Variants in CAAP1 observed in about 807,000 individuals in gnomAD.
The protein encoded by CAAP1 is conserved anti-apoptotic protein.
CAAP1 carries 20 observed loss-of-function variants against 34.0 expected under a neutral mutation model. That is an observed-to-expected ratio of 0.59 (90% CI 0.41 to 0.86). The LOEUF is 0.86. CAAP1 is among the 40% of genes least tolerant of loss of function. CAAP1 has a pLI of 0.00. For missense variants in CAAP1, 538 were observed against 450.5 expected, an observed-to-expected ratio of 1.19 and a Z score of -1.76; for synonymous variants, 213 against 166.7, an observed-to-expected ratio of 1.28 and a Z score of -2.14.
chr9:26,851,283 G>A (rs1446870758), intron 5 of CAAP1, among the ~76,000 whole-genome samples: 4 of 152,132 alleles, frequency 2.6e-5, no homozygotes, highest in Non-Finnish European at 4.4e-5. Flanking sequence ...GATATGAGAC[G>A]GGCCTTTAAG....
At chr9:26,852,579 G>C (rs1822778259) in intron 5 of CAAP1, among the ~76,000 whole-genome samples, 3 of 152,150 alleles carry the variant, frequency 2.0e-5, no homozygotes, top group Non-Finnish European at 4.4e-5. Context: ...ATGTAAATAA[G>C]AGTACACTAC....
In CAAP1 at chr9:26,841,150, TTATA is replaced by T. The variant is rs1302474723; in HGVS notation, c.*1147_*1150del. The T allele has an allele frequency of 2.0e-5, 3 of 152,134 alleles. No individual in the cohort carries two copies. Among genetic ancestry groups the T allele is most frequent in the African/African-American group, 4.8e-5 (2 of 41,438 alleles). 9.4% of individuals were successfully genotyped at this position (152,134 alleles called of 1,614,324 possible). On this transcript the variant is annotated 3_prime_UTR_variant, in exon 6 of 6. Transcript: ENST00000333916. ...TAATAAAACACAATCCCTGCAACTTTTATATATAAGGAAAGTCCTCATACAGTAT... is the reference window on the plus strand; with the variant it reads ...TAATAAAACACAATCCCTGCAACTTTTATAAGGAAAGTCCTCATACAGTAT...
intron 4 of CAAP1, among the ~76,000 whole-genome samples, chr9:26,883,247 C>A (rs1281430531): frequency 6.6e-6 from 1 of 152,138 alleles, no homozygotes; most frequent in Non-Finnish European, 1.5e-5. Context: ...GGAATTACAG[C>A]TCCCATAATT....
chr9:26,878,493 C>G (rs1302437458), intron 4 of CAAP1, among the ~76,000 whole-genome samples: 1 of 152,196 alleles, frequency 6.6e-6, no homozygotes, highest in Non-Finnish European at 1.5e-5. Flanking sequence ...TTTTCAGGTT[C>G]TCCCAGACTC....
At chr9:26,858,488 G>C (rs544699771) in intron 5 of CAAP1, among the ~76,000 whole-genome samples, 30 of 152,218 alleles carry the variant, frequency 2.0e-4, no homozygotes, top group African/African-American at 7.0e-4. Flanking sequence ...TCATTTAGTA[G>C]ATATTCTTCT....
chr9:26,860,891 A>T (rs527326178), intron 5 of CAAP1, among the ~76,000 whole-genome samples, 175 bp downstream of exon 5: 4 of 152,202 alleles, frequency 2.6e-5, no homozygotes, highest in African/African-American at 4.8e-5. Context: ...ACATCATAAA[A>T]TATAATCATT....
intron 4 of CAAP1, among the ~76,000 whole-genome samples, chr9:26,864,782 A>G (rs1436053371): frequency 3.9e-5 from 6 of 152,236 alleles, no homozygotes; most frequent in African/African-American, 1.4e-4. Context: ...ATCACTTTGT[A>G]TGGACATTTA....
At chr9:26,853,494 C>A (rs536679050) in intron 5 of CAAP1, among the ~76,000 whole-genome samples, 84 of 152,240 alleles carry the variant, frequency 5.5e-4, no homozygotes, top group Non-Finnish European at 8.4e-4. Context: ...TACATAAGAT[C>A]ATCAGTTAGA....
At chr9:26,886,236 C>G in intron 2 of CAAP1, 48 bp from the exon 3 acceptor site, 1 of 908,030 alleles carries the variant, frequency 1.1e-6, no homozygotes. Context: ...AACACAGCCC[C>G]AATGTAAACT....
At chr9:26,871,063 C>T (rs542494116) in intron 4 of CAAP1, among the ~76,000 whole-genome samples, 2 of 152,280 alleles carry the variant, frequency 1.3e-5, no homozygotes, top group Admixed American at 6.5e-5. Flanking sequence ...AAGGAGGACT[C>T]TTTTATTCCC....
At chr9:26,868,324 G>A (rs1316637244) in intron 4 of CAAP1, among the ~76,000 whole-genome samples, 1 of 152,156 alleles carries the variant, frequency 6.6e-6, no homozygotes, top group Non-Finnish European at 1.5e-5. Context: ...TGTAAGAGAA[G>A]TCAGAGTTAG....
rs975358697 is a variant in CAAP1 at position 26,841,660 on chromosome 9, T to C, written c.*641A>G. ...AAACCTAGAATAATGCATCCAATGG[T>C]ATCAAATACCTGTTAGAATGGCGTG... On this transcript the variant is annotated 3_prime_UTR_variant, in exon 6 of 6. Transcript: ENST00000333916. 8 of 152,582 alleles carry C rather than the reference T, an allele frequency of 5.2e-5. No homozygotes were observed. Among genetic ancestry groups the C allele is most frequent in the Admixed American group, 3.3e-4 (5 of 15,270 alleles). 9.5% of individuals were successfully genotyped at this position (152,582 alleles called of 1,614,324 possible).
intron 4 of CAAP1, among the ~76,000 whole-genome samples, chr9:26,879,713 C>T (rs1313675009): frequency 6.6e-6 from 1 of 152,206 alleles, no homozygotes; most frequent in Non-Finnish European, 1.5e-5. Context: ...TTCCAGGCTT[C>T]ATCTTTCTCC....
intron 4 of CAAP1, among the ~76,000 whole-genome samples, chr9:26,870,405 G>A (rs1235706137): frequency 6.6e-6 from 1 of 151,714 alleles, no homozygotes; most frequent in South Asian, 2.1e-4. Flanking sequence ...ATTTCTCTAC[G>A]TAGAGTTAAG....
At chr9:26,842,716 T>C (rs1005338685) in intron 5 of CAAP1, 69 bp from the exon 6 acceptor site, 5 of 1,341,056 alleles carry the variant, frequency 3.7e-6, no homozygotes, top group Admixed American at 2.3e-5. Flanking sequence ...TTACTGTTTA[T>C]AATTTAAAAA....
At position 26,868,446 on chromosome 9, in the gene CAAP1, A is replaced by C. The variant is rs554144066; in HGVS notation, c.666-7307T>G. ...GCAGTAACTGGAAGCTGAAAAGGGC[A>C]AGAAAATGAATTCTCCCCTCAGAGC... On this transcript the variant is annotated intron_variant, in intron 4 of 5. Transcript: ENST00000333916. 2.0e-5 allele frequency among the ~76,000 whole-genome samples: 3 copies of C among 152,316 alleles called. No homozygotes were observed. The South Asian group carries it at 6.2e-4, about 32-fold the overall frequency.
intron 4 of CAAP1, among the ~76,000 whole-genome samples, chr9:26,878,585 A>G (rs1193585429): frequency 6.6e-6 from 1 of 152,196 alleles, no homozygotes; most frequent in Admixed American, 6.5e-5. Context: ...CACAAGATAC[A>G]TGTTAACTTT....
chr9:26,850,530 G>A (rs1822722081), intron 5 of CAAP1, among the ~76,000 whole-genome samples: 1 of 152,206 alleles, frequency 6.6e-6, no homozygotes. Flanking sequence ...TAATAAGTTT[G>A]CAGATGATGC....
intron 5 of CAAP1, among the ~76,000 whole-genome samples, chr9:26,845,406 T>C (rs1159080910): frequency 1.3e-5 from 2 of 152,142 alleles, no homozygotes; most frequent in Non-Finnish European, 2.9e-5. Flanking sequence ...AATATTTGCT[T>C]TTTCTGTCAC....
Sources: gnomAD v4.1 joint callset for allele counts (sites outside exome capture counted in the v4.1 genomes callset) on GRCh38, gnomAD v4.1.1 for gene constraint, MANE v1.5 for transcripts, NCBI Gene and HGNC (gene_info 2026-07-23, HGNC 2026-07-21) for gene names.